CNTN1: variants seen among roughly 807,000 people sequenced by gnomAD.
CNTN1 encodes the protein contactin-1.
Under a neutral mutation model 126.4 loss-of-function variants are expected in CNTN1, and 38 were observed. The ratio of observed to expected loss-of-function variants is 0.30; its 90% CI spans 0.23 to 0.39. The LOEUF (loss-of-function observed/expected upper bound fraction) is 0.39, where lower values mean the gene tolerates loss of function less well. CNTN1 is among the 10% of genes least tolerant of loss of function. CNTN1 has a pLI of 1.00. For synonymous variants in CNTN1, 413 were observed against 422.6 expected (o/e 0.98, Z 0.28); for missense variants, 1,009 against 1,248.4 (o/e 0.81, Z 2.89).
chr12:40,975,139 A>C (rs1318673281), intron 15 of CNTN1, among the ~76,000 whole-genome samples: 1 of 148,142 alleles, frequency 6.8e-6, no homozygotes, highest in African/African-American at 2.5e-5. Flanking sequence ...ATCTCTGACA[A>C]CAGCCCTTAT....
At chr12:40,827,824 C>G (rs1282101559) in intron 1 of CNTN1, among the ~76,000 whole-genome samples, 1 of 152,086 alleles carries the variant, frequency 6.6e-6, no homozygotes, top group African/African-American at 2.4e-5. Context: ...TAGCCCATTA[C>G]TGGATAGAAC....
chr12:40,724,432 C>A (rs1942299498), intron 1 of CNTN1, among the ~76,000 whole-genome samples: 1 of 152,202 alleles, frequency 6.6e-6, no homozygotes, highest in Non-Finnish European at 1.5e-5. Flanking sequence ...TAGATCCTGT[C>A]TTGACTTCCA....
chr12:41,018,490 A>T (rs1948831838), intron 19 of CNTN1, among the ~76,000 whole-genome samples: 1 of 152,084 alleles, frequency 6.6e-6, no homozygotes, highest in Non-Finnish European at 1.5e-5. Context: ...CTTTTATTAA[A>T]CACCATTGTA....
At chr12:41,028,184 C>A (rs1420492164) in intron 22 of CNTN1, among the ~76,000 whole-genome samples, 1 of 151,802 alleles carries the variant, frequency 6.6e-6, no homozygotes, top group Non-Finnish European at 1.5e-5. Context: ...GGTGCCCACA[C>A]CCACACCCGG....
intron 1 of CNTN1, among the ~76,000 whole-genome samples, chr12:40,764,661 G>A (rs1390181615): frequency 6.6e-6 from 1 of 152,218 alleles, no homozygotes; most frequent in African/African-American, 2.4e-5. Flanking sequence ...GAAAAGTGAA[G>A]TCAGGGGCTT....
chr12:40,814,419 T>C (rs1197624594), intron 1 of CNTN1, among the ~76,000 whole-genome samples: 1 of 152,228 alleles, frequency 6.6e-6, no homozygotes, highest in East Asian at 1.9e-4. Flanking sequence ...TCCATATGGT[T>C]AGCCAGTTTT....
At chr12:40,779,026 TG>T (rs34808217) in intron 1 of CNTN1, among the ~76,000 whole-genome samples, 29,345 of 151,634 alleles carry the variant, frequency 0.19, 3,191 homozygotes, top group East Asian at 0.43. Context: ...TGGAAAAATA[TG>T]AACAGTCAGG....
intron 1 of CNTN1, among the ~76,000 whole-genome samples, chr12:40,779,141 T>C (rs1939699195): frequency 1.3e-5 from 2 of 151,838 alleles, no homozygotes; most frequent in Non-Finnish European, 2.9e-5. Context: ...TTAAGGATTT[T>C]TGATAATTAT....
At chr12:40,795,146 G>T (rs186922865) in intron 1 of CNTN1, among the ~76,000 whole-genome samples, 1 of 151,996 alleles carries the variant, frequency 6.6e-6, no homozygotes, top group Non-Finnish European at 1.5e-5. Context: ...CTTCAAGACT[G>T]TAGGATCACC....
intron 23 of CNTN1, among the ~76,000 whole-genome samples, chr12:41,069,328 A>C (rs2121167107): frequency 6.6e-6 from 1 of 152,372 alleles, no homozygotes; most frequent in East Asian, 1.9e-4. Context: ...AAATGTATAA[A>C]TGTCTTAAAA....
intron 3 of CNTN1, among the ~76,000 whole-genome samples, chr12:40,913,922 G>T (rs895877900): frequency 1.3e-5 from 2 of 152,016 alleles, no homozygotes; most frequent in Non-Finnish European, 2.9e-5. Flanking sequence ...CACATTATCT[G>T]GTAGGAAATA....
intron 23 of CNTN1, among the ~76,000 whole-genome samples, chr12:41,057,214 TTTATAAATATTA>T (rs1004845473): frequency 6.9e-6 from 1 of 145,586 alleles, no homozygotes; most frequent in African/African-American, 2.5e-5. Flanking sequence ...TATTTAGATA[TTTATAAATATTA>T]TTATAAATAT....
intron 1 of CNTN1, among the ~76,000 whole-genome samples, chr12:40,824,576 C>G (rs1941547247): frequency 6.6e-6 from 1 of 152,030 alleles, no homozygotes; most frequent in South Asian, 2.1e-4. Flanking sequence ...CAATTGTGCC[C>G]TAAATAATTT....
At chr12:40,833,355 C>T (rs915014156) in intron 1 of CNTN1, among the ~76,000 whole-genome samples, 2 of 152,280 alleles carry the variant, frequency 1.3e-5, no homozygotes, top group African/African-American at 4.8e-5. Context: ...CCCAGCCTCC[C>T]AAAGTGCTGA....
intron 1 of CNTN1, among the ~76,000 whole-genome samples, chr12:40,883,348 A>G (rs1463676655): frequency 6.6e-6 from 1 of 151,624 alleles, no homozygotes; most frequent in Non-Finnish European, 1.5e-5. Context: ...AATTAAAAAT[A>G]TTATGAAAGT....
At chr12:40,863,926 TCCTCCCTCCCTCCCTC>T (rs1555170458) in intron 1 of CNTN1, among the ~76,000 whole-genome samples, 22 of 129,092 alleles carry the variant, frequency 1.7e-4, no homozygotes. Context: ...CTTCCTTCCT[TCCTCCCTCCCTCCCTC>T]CCTCCCTCCC....
At chr12:40,998,776 A>G (rs1172156157) in intron 17 of CNTN1, among the ~76,000 whole-genome samples, 1 of 152,130 alleles carries the variant, frequency 6.6e-6, no homozygotes, top group African/African-American at 2.4e-5. Context: ...CTAGAGCACT[A>G]TTTACATAAC....
chr12:40,815,458 G>A (rs1330215348), intron 1 of CNTN1, among the ~76,000 whole-genome samples: 1 of 151,978 alleles, frequency 6.6e-6, no homozygotes, highest in Admixed American at 6.6e-5. Context: ...CTTGCCTATT[G>A]TAGGTGTAAA....
In CNTN1 at chr12:40,929,831, C is replaced by A; in HGVS notation, c.532C>A (p.Pro178Thr). Residue 178 changes from proline to threonine, a missense_variant, in exon 7 of 24, where the codon CCT becomes ACT. Coordinates refer to ENST00000551295, the MANE Select transcript of CNTN1 (RefSeq NM_001843.4). ...CTATCGCTGGCTTCTAAATGAATTT[C>A]CTGTATTTATCACAATGGATAAACG... ...LSYRWLLNEFPVFITMDKRRF... is the reference protein window; with the variant it reads ...LSYRWLLNEFTVFITMDKRRF... 1.2e-6 allele frequency: 2 copies of A among 1,612,348 alleles called. No individual in the cohort carries two copies. The highest frequency in any genetic ancestry group is 1.7e-6 in the Non-Finnish European group (2 of 1,178,878).
Sources: gnomAD v4.1 joint callset for allele counts (sites outside exome capture counted in the v4.1 genomes callset) on GRCh38, gnomAD v4.1.1 for gene constraint, MANE v1.5 for transcripts, NCBI Gene and HGNC (gene_info 2026-07-23, HGNC 2026-07-21) for gene names.